The following PCBP3 variants were observed in gnomAD, a reference collection of about 807,000 sequenced individuals.
PCBP3 encodes poly(rC) binding protein 3.
Under a neutral mutation model 52.7 loss-of-function variants are expected in PCBP3, and 25 were observed. The observed-to-expected ratio is 0.47, with a 90% CI of 0.35 to 0.66. PCBP3 has a LOEUF of 0.66. Ranked by LOEUF, PCBP3 falls within the 30% of genes least tolerant of loss-of-function variation. PCBP3 has a pLI of 0.01. For missense variants in PCBP3, 391 were observed against 490.3 expected, an observed-to-expected ratio of 0.80 and a Z score of 1.91; for synonymous variants, 162 against 183.0, an observed-to-expected ratio of 0.89 and a Z score of 0.93.
At chr21:45,740,868 T>TA (rs2086393182) in intron 3 of PCBP3, among the ~76,000 whole-genome samples, 1 of 152,176 alleles carries the variant, frequency 6.6e-6, no homozygotes, top group Non-Finnish European at 1.5e-5. Context: ...GGAATGGCGT[T>TA]ACTGTGCAGC....
At chr21:45,711,491 TA>T (rs1388856820) in intron 2 of PCBP3, among the ~76,000 whole-genome samples, 1 of 152,242 alleles carries the variant, frequency 6.6e-6, no homozygotes, top group Non-Finnish European at 1.5e-5. Flanking sequence ...CACCATCCAC[TA>T]TTGATTTACT....
At position 45,880,662 on chromosome 21, in the gene PCBP3, T is replaced by C. The variant is rs543866051; in HGVS notation, c.11-15546T>C. Among the ~76,000 whole-genome samples, 68 of 152,010 alleles carry C rather than the reference T, an allele frequency of 4.5e-4. No individual in the cohort carries two copies. Among genetic ancestry groups the C allele is most frequent in the African/African-American group, 1.5e-3 (64 of 41,476 alleles). On this transcript the variant is annotated intron_variant, in intron 5 of 17. Transcript: ENST00000681687. The surrounding 1 kb of genome is among the most constrained non-coding windows in gnomAD (Gnocchi z 5.4). The stretch of plus-strand genomic sequence containing the variant: ...GTGAACGGAGGAGACACGTGTGCCC[T>C]CTGCCCTCTCGGTGCCAGGGTGGCC...
chr21:45,906,441 AGGGTC>A (rs2096208511), intron 9 of PCBP3, among the ~76,000 whole-genome samples: 1 of 151,028 alleles, frequency 6.6e-6, no homozygotes, highest in Admixed American at 6.6e-5. Flanking sequence ...GATAGGGGCT[AGGGTC>A]GGGTCGGGAA....
At chr21:45,769,732 C>T (rs1057395628) in intron 4 of PCBP3, among the ~76,000 whole-genome samples, 14 of 152,270 alleles carry the variant, frequency 9.2e-5, no homozygotes, top group African/African-American at 2.6e-4. Flanking sequence ...TCTGGCTGGC[C>T]GTCTCTCGTA....
intron 2 of PCBP3, among the ~76,000 whole-genome samples, chr21:45,719,252 G>A (rs899378371): frequency 6.6e-6 from 1 of 152,124 alleles, no homozygotes; most frequent in African/African-American, 2.4e-5. Flanking sequence ...CAGTGGATGC[G>A]AGTGACTTGG....
chr21:45,659,589 A>G (rs1041230730), intron 1 of PCBP3, among the ~76,000 whole-genome samples: 9 of 152,022 alleles, frequency 5.9e-5, no homozygotes, highest in African/African-American at 2.2e-4. Context: ...GGGCTCAAGC[A>G]GTCCTCCCGC....
intron 4 of PCBP3, among the ~76,000 whole-genome samples, chr21:45,841,174 C>T (rs570879229): frequency 6.6e-5 from 10 of 152,284 alleles, no homozygotes; most frequent in East Asian, 1.9e-4. Context: ...TTTCTCAGAA[C>T]GTATTCTCGT....
At chr21:45,877,927 G>A (rs1482874600) in intron 5 of PCBP3, among the ~76,000 whole-genome samples, 4 of 152,246 alleles carry the variant, frequency 2.6e-5, no homozygotes, top group Admixed American at 2.6e-4. Context: ...ACCGGGAGGC[G>A]GCAGTGGGAG....
chr21:45,873,544 T>C lies in PCBP3; in HGVS notation c.11-22664T>C, dbSNP rs2095123479. Among the ~76,000 whole-genome samples the C allele has an allele frequency of 2.0e-5, 3 of 152,230 alleles. No individual in the cohort carries two copies. In the South Asian group the frequency reaches 6.2e-4, roughly 32 times the overall value. On this transcript the variant is annotated intron_variant, in intron 5 of 17. Transcript: ENST00000681687. ...TCCCAGCTCTGTGTAAATGGTGTCC[T>C]GTGCTGTCTTTCAGACGCTGTGTCG... is the stretch of plus-strand genomic sequence containing the variant.
rs906530991 is a variant in PCBP3 at position 45,880,893 on chromosome 21, C to T, written c.11-15315C>T. 3.3e-5 allele frequency among the ~76,000 whole-genome samples: 5 copies of T among 152,042 alleles called. No individual in the cohort carries two copies. The highest frequency in any genetic ancestry group is 9.7e-5 in the African/African-American group (4 of 41,390). ...GGGCTCTGGACGGGAGGCTCAGGGC[C>T]GGGGTTAAACAGCACAGCAGTGGGA... is the stretch of plus-strand genomic sequence containing the variant. On this transcript the variant is annotated intron_variant, in intron 5 of 17. Coordinates refer to ENST00000681687, the MANE Select transcript of PCBP3 (RefSeq NM_001384156.1). This position sits in a 1 kb window ranked among gnomAD's most constrained non-coding sequence, Gnocchi z 5.4.
chr21:45,682,519 C>T (rs910919119), intron 2 of PCBP3, among the ~76,000 whole-genome samples: 7 of 152,214 alleles, frequency 4.6e-5, no homozygotes, highest in South Asian at 2.1e-4. Flanking sequence ...TGCACTTATC[C>T]ACGTGAAGAA....
rs149144230 is a variant in PCBP3 at position 45,796,134 on chromosome 21, GT to G, written c.-126+40683del. Among the ~76,000 whole-genome samples, 737 of 152,280 alleles carry G rather than the reference GT, an allele frequency of 4.8e-3. 2 individuals carry two copies. Among genetic ancestry groups the G allele is most frequent in the Non-Finnish European group, 8.5e-3 (575 of 68,028 alleles). On this transcript the variant is annotated intron_variant, in intron 4 of 17. Coordinates refer to ENST00000681687, the MANE Select transcript of PCBP3 (RefSeq NM_001384156.1). ...GGTTTCAGCATGTCCCAAAGGGAGGGTCATGTGTGAGGTCTATAAACCATGC... is the reference window on the plus strand; with the variant it reads ...GGTTTCAGCATGTCCCAAAGGGAGGGCATGTGTGAGGTCTATAAACCATGC...
intron 2 of PCBP3, among the ~76,000 whole-genome samples, chr21:45,682,521 C>G (rs192083040): frequency 1.3e-5 from 2 of 152,076 alleles, no homozygotes; most frequent in African/African-American, 4.8e-5. Context: ...CACTTATCCA[C>G]GTGAAGAATA....
chr21:45,695,376 T>C (rs1048895680), intron 2 of PCBP3, among the ~76,000 whole-genome samples: 2 of 152,114 alleles, frequency 1.3e-5, no homozygotes, highest in Admixed American at 6.5e-5. Context: ...CAGTGGGCAG[T>C]TTCTTATCAA....
At chr21:45,896,627 G>A (rs1238674662) in intron 6 of PCBP3, among the ~76,000 whole-genome samples, 1 of 146,540 alleles carries the variant, frequency 6.8e-6, no homozygotes, top group Admixed American at 7.0e-5. Flanking sequence ...GTCTCTGTAG[G>A]AAAGGCAGAC....
chr21:45,865,785 G>A (rs2094697845), intron 5 of PCBP3, among the ~76,000 whole-genome samples: 1 of 152,218 alleles, frequency 6.6e-6, no homozygotes, highest in Non-Finnish European at 1.5e-5. Context: ...GGGGACTGGT[G>A]CTGCTTCTGC....
Position 45,880,799 on chromosome 21 carries a change from G to A in PCBP3, c.11-15409G>A, listed in dbSNP as rs1192468390. 6.6e-6 allele frequency among the ~76,000 whole-genome samples: 1 copy of A among 152,196 alleles called. No homozygotes were observed. Among genetic ancestry groups the A allele is most frequent in the Non-Finnish European group, 1.5e-5 (1 of 68,040 alleles). On this transcript the variant is annotated intron_variant, in intron 5 of 17. Coordinates refer to ENST00000681687, the MANE Select transcript of PCBP3 (RefSeq NM_001384156.1). The surrounding 1 kb of genome is among the most constrained non-coding windows in gnomAD (Gnocchi z 5.4). ...GGGTGGGAGAACTCACCCTGTCCCTGCCACGGAAGCCAGGGAGCCAGCGGG... is the reference window on the plus strand; with the variant it reads ...GGGTGGGAGAACTCACCCTGTCCCTACCACGGAAGCCAGGGAGCCAGCGGG...
chr21:45,797,705 C>CATAGAG (rs2092023716), intron 4 of PCBP3, among the ~76,000 whole-genome samples: 2 of 1,448 alleles, frequency 1.4e-3, no homozygotes, highest in African/African-American at 6.1e-3. Context: ...TGCATGGATC[C>CATAGAG]ACAGAGAGTG....
At position 45,871,280 on chromosome 21, in the gene PCBP3, C is replaced by T. The variant is rs62211895; in HGVS notation, c.10+21185C>T. 3.7e-3 allele frequency: 461 copies of T among 125,838 alleles called. 5 individuals carry two copies. Among genetic ancestry groups the T allele is most frequent in the South Asian group, 0.013 (60 of 4,600 alleles). The allele number at this position is 125,838 out of a possible 1,614,324, so 7.8% of individuals were successfully genotyped here. A position where few individuals can be genotyped will look rare whatever the true frequency, so the allele number is the denominator to read the frequency against. ...AGGGAAGGCCGTGCAGTCCAGTGCCCGGGAGAGACGGGCACCCCCTTGGGA... is the reference window on the plus strand; with the variant it reads ...AGGGAAGGCCGTGCAGTCCAGTGCCTGGGAGAGACGGGCACCCCCTTGGGA... On this transcript the variant is annotated intron_variant, in intron 5 of 17. Transcript: ENST00000681687.
Sources: allele counts gnomAD v4.1 joint callset (sites outside exome capture counted in the v4.1 genomes callset), GRCh38; gene constraint gnomAD v4.1.1; non-coding constraint Gnocchi (gnomAD v3.1); transcripts MANE v1.5; gene names NCBI Gene and HGNC (gene_info 2026-07-23, HGNC 2026-07-21).